The following ARHGAP6 variants were observed in gnomAD, a reference collection of about 807,000 sequenced individuals.
ARHGAP6 encodes Rho GTPase activating protein 6, also known as rho GTPase-activating protein 6.
Under a neutral mutation model 55.7 loss-of-function variants are expected in ARHGAP6, and 16 were observed. That is an observed-to-expected ratio of 0.29 (90% CI 0.19 to 0.44). The LOEUF (loss-of-function observed/expected upper bound fraction) is 0.44. Ranked by LOEUF, ARHGAP6 falls within the 20% of genes least tolerant of loss-of-function variation. ARHGAP6 has a pLI of 1.00. For missense variants in ARHGAP6, 698 were observed against 808.9 expected (o/e 0.86, Z 1.66); for synonymous variants, 382 against 360.9 (o/e 1.06, Z -0.66).
intron 1 of ARHGAP6, among the ~76,000 whole-genome samples, chrX:11,395,031 T>C (rs1391067817): frequency 8.9e-6 from 1 of 112,310 alleles, no homozygotes; most frequent in Admixed American, 9.4e-5. Context: ...AAAGCTGGTG[T>C]TGGCAATCAA....
intron 9 of ARHGAP6, among the ~76,000 whole-genome samples, chrX:11,164,971 A>G (rs2045998560): frequency 8.9e-6 from 1 of 111,918 alleles, no homozygotes; most frequent in Non-Finnish European, 1.9e-5. Flanking sequence ...TTAGGATAAT[A>G]CCAATGACTT....
chrX:11,347,647 C>A (rs2048805649), intron 1 of ARHGAP6, among the ~76,000 whole-genome samples: 2 of 112,008 alleles, frequency 1.8e-5, no homozygotes, highest in Admixed American at 1.9e-4. Context: ...TCCAATCAAT[C>A]AGGTGATGAT....
intron 1 of ARHGAP6, among the ~76,000 whole-genome samples, chrX:11,302,913 A>G (rs970450297): frequency 3.6e-5 from 4 of 112,252 alleles, no homozygotes; most frequent in African/African-American, 1.3e-4. Flanking sequence ...AAATAAAAAT[A>G]CAGACTTTTC....
At chrX:11,650,106 T>C (rs1206565958) in intron 1 of ARHGAP6, among the ~76,000 whole-genome samples, 1 of 108,700 alleles carries the variant, frequency 9.2e-6, no homozygotes, top group Non-Finnish European at 1.9e-5. Context: ...GCAATCCTCT[T>C]GCCTCAGCCT....
At chrX:11,379,526 GA>G (rs2049239376) in intron 1 of ARHGAP6, among the ~76,000 whole-genome samples, 2 of 112,154 alleles carry the variant, frequency 1.8e-5, no homozygotes, top group South Asian at 7.4e-4. Context: ...AGGTTTTGAA[GA>G]GCTGGAATAC....
At chrX:11,309,389 A>AGCCG (rs1468584028) in intron 1 of ARHGAP6, among the ~76,000 whole-genome samples, 3 of 109,123 alleles carry the variant, frequency 2.7e-5, no homozygotes, top group Non-Finnish European at 5.7e-5. Flanking sequence ...GTGCTAGAGG[A>AGCCG]GCCGGCCAGG....
intron 1 of ARHGAP6, chrX:11,298,506 CA>C: frequency 1.7e-6 from 2 of 1,205,600 alleles, no homozygotes; most frequent in Non-Finnish European, 2.2e-6. Flanking sequence ...TGGTTGGAGT[CA>C]CCTGAGCCAA....
chrX:11,603,388 T>TC (rs1379704537), intron 1 of ARHGAP6, among the ~76,000 whole-genome samples: 1 of 112,139 alleles, frequency 8.9e-6, no homozygotes, highest in African/African-American at 3.2e-5. Flanking sequence ...TTTTGCTTTT[T>TC]CACACAAAAC....
chrX:11,255,528 TTAAG>T (rs1468640879), intron 1 of ARHGAP6, among the ~76,000 whole-genome samples: 1 of 110,063 alleles, frequency 9.1e-6, no homozygotes, highest in Non-Finnish European at 1.9e-5. Context: ...CTTGAGGAGG[TTAAG>T]TAATTCTCCC....
chrX:11,585,146 G>A (rs2051715045), intron 1 of ARHGAP6, among the ~76,000 whole-genome samples: 1 of 112,386 alleles, frequency 8.9e-6, no homozygotes, highest in Non-Finnish European at 1.9e-5. Flanking sequence ...ATTCCATAGT[G>A]TATATGTACC....
intron 1 of ARHGAP6, among the ~76,000 whole-genome samples, chrX:11,413,755 C>T (rs983917871): frequency 2.1e-4 from 24 of 111,974 alleles, no homozygotes; most frequent in African/African-American, 7.1e-4. Context: ...AATTATTCTG[C>T]CTAGAATAAT....
intron 9 of ARHGAP6, 155 bp downstream of exon 9, chrX:11,169,350 T>C: frequency 2.5e-6 from 1 of 398,683 alleles, no homozygotes; most frequent in East Asian, 4.5e-5. Context: ...ATCATAGTTG[T>C]GCAAATTTCT....
chrX:11,394,143 A>G (rs1420862999), intron 1 of ARHGAP6, among the ~76,000 whole-genome samples: 1 of 112,094 alleles, frequency 8.9e-6, no homozygotes, highest in Non-Finnish European at 1.9e-5. Context: ...GCACTCACAG[A>G]TAAGTAGATA....
At chrX:11,455,670 T>C (rs900717399) in intron 1 of ARHGAP6, among the ~76,000 whole-genome samples, 1 of 112,089 alleles carries the variant, frequency 8.9e-6, no homozygotes, top group African/African-American at 3.2e-5. Flanking sequence ...CTACCCCCAC[T>C]ATCCGTGGCT....
Position 11,523,362 on chromosome X carries a change from A to G in ARHGAP6, c.588+140879T>C, listed in dbSNP as rs372325469. On this transcript the variant is annotated intron_variant, in intron 1 of 12. Coordinates refer to ENST00000337414, the MANE Select transcript of ARHGAP6 (RefSeq NM_013427.3). ...CCCTCTCTCACCACTCCTATTCAAC[A>G]TAGTGTTGGAAGTTCTGGCCAGGGC... Among the ~76,000 whole-genome samples the G allele has an allele frequency of 7.2e-5, 8 of 111,002 alleles. No homozygotes were observed. The South Asian group carries it at 2.3e-3, about 32-fold the overall frequency.
rs1180728598 is a variant in ARHGAP6, at chrX:11,648,468, C to G, written c.588+15773G>C. 3.6e-5 allele frequency among the ~76,000 whole-genome samples: 4 copies of G among 111,997 alleles called. No individual in the cohort carries two copies. The East Asian group carries it at 8.4e-4, about 24-fold the overall frequency. ...CAGTTTAAAAAACCTAAAGTTGCAT[C>G]TTACAATTGCTCTTTACATTTACCA... On this transcript the variant is annotated intron_variant, in intron 1 of 12. Transcript: ENST00000337414.
At position 11,174,623 on chromosome X, in the gene ARHGAP6, T is replaced by TTTTCTTTC. The variant is rs55966871; in HGVS notation, c.1629+3469_1629+3476dup. ...TTCTTTCTTTCTTTCTTTCTCTTTCTTTTCTTTCTTTCTTTCTTTCTTTCT... is the reference window on the plus strand; with the variant it reads ...TTCTTTCTTTCTTTCTTTCTCTTTCTTTTCTTTCTTTCTTTCTTTCTTTCTTTCTTTCT... On this transcript the variant is annotated intron_variant, in intron 8 of 12. Transcript: ENST00000337414. Among the ~76,000 whole-genome samples the TTTTCTTTC allele has an allele frequency of 8.1e-3, 377 of 46,730 alleles. 5 individuals carry two copies. Among genetic ancestry groups the TTTTCTTTC allele is most frequent in the Middle Eastern group, 0.021 (2 of 94 alleles). 40.6% of individuals were successfully genotyped at this position (46,730 alleles called of 115,157 possible). A position where few individuals can be genotyped will look rare whatever the true frequency, so the allele number is the denominator to read the frequency against.
intron 1 of ARHGAP6, among the ~76,000 whole-genome samples, chrX:11,507,726 G>A (rs866691826): frequency 9.0e-6 from 1 of 111,617 alleles, no homozygotes; most frequent in Non-Finnish European, 1.9e-5. Flanking sequence ...GCAGACATGT[G>A]TATTTAAATA....
chrX:11,352,151 G>A (rs890297689), intron 1 of ARHGAP6, among the ~76,000 whole-genome samples: 13 of 112,576 alleles, frequency 1.2e-4, no homozygotes, highest in South Asian at 3.7e-4. Flanking sequence ...TGGAACTTAC[G>A]TGTAGAAAGG....
Sources: gnomAD v4.1 joint callset for allele counts (sites outside exome capture counted in the v4.1 genomes callset) on GRCh38, gnomAD v4.1.1 for gene constraint, MANE v1.5 for transcripts, NCBI Gene and HGNC (gene_info 2026-07-23, HGNC 2026-07-21) for gene names.